The following SDCCAG8 variants were observed in gnomAD, a reference collection of about 807,000 sequenced individuals.
The protein encoded by SDCCAG8 is SHH signaling and ciliogenesis regulator SDCCAG8.
In SDCCAG8, 74 loss-of-function variants were observed where a neutral mutation model predicts 101.8. The observed-to-expected ratio is 0.73, with a 90% CI of 0.60 to 0.88. SDCCAG8 has a LOEUF of 0.88. SDCCAG8 is among the 40% of genes least tolerant of loss of function. The pLI, the probability that SDCCAG8 is intolerant of heterozygous loss-of-function variation, is 0.00. For synonymous variants in SDCCAG8, 281 were observed against 292.9 expected, an observed-to-expected ratio of 0.96 and a Z score of 0.41; for missense variants, 787 against 822.6, an observed-to-expected ratio of 0.96 and a Z score of 0.53.
chr1:243,259,269 T>A (rs956350233), intron 1 of SDCCAG8, among the ~76,000 whole-genome samples: 19 of 149,244 alleles, frequency 1.3e-4, no homozygotes, highest in Non-Finnish European at 2.7e-4. Context: ...TAGCCGGGCG[T>A]GGTGGCGGGC....
At chr1:243,283,779 T>C (rs2130596) in intron 4 of SDCCAG8, among the ~76,000 whole-genome samples, 144,438 of 152,224 alleles carry the variant, frequency 0.95, 68,997 homozygotes, top group East Asian at 1. Flanking sequence ...CTCACTCTGT[T>C]GCCCAGGCTC....
At chr1:243,405,428 T>A (rs1234652375) in intron 13 of SDCCAG8, among the ~76,000 whole-genome samples, 5 of 152,244 alleles carry the variant, frequency 3.3e-5, no homozygotes, top group Admixed American at 1.3e-4. Context: ...TTCTTTAGAA[T>A]AACATCTGAG....
At chr1:243,418,126 C>CT in intron 15 of SDCCAG8, 50 bp downstream of exon 15, 1 of 1,269,156 alleles carries the variant, frequency 7.9e-7, no homozygotes, top group Non-Finnish European at 1.2e-6. Flanking sequence ...TGTGATTACT[C>CT]TAATTTTTCC....
At chr1:243,294,506 C>A (rs12728648) in intron 6 of SDCCAG8, among the ~76,000 whole-genome samples, 1,479 of 105,582 alleles carry the variant, frequency 0.014, 9 homozygotes, top group East Asian at 0.02. Flanking sequence ...AGAGAAAGAG[C>A]GAGAGAGAGA....
rs555350777 is a variant in SDCCAG8 at position 243,324,570 on chromosome 1, C to G, written c.1069-5970C>G. Among the ~76,000 whole-genome samples the G allele has an allele frequency of 1.5e-3, 222 of 151,158 alleles. 1 individual carries two copies. Among genetic ancestry groups the G allele is most frequent in the African/African-American group, 5.2e-3 (212 of 41,142 alleles). On this transcript the variant is annotated intron_variant, in intron 9 of 17. Transcript: ENST00000366541. ...CACTCCTGAGCTCAGCTGATTCTCC[C>G]TCCTTAGCCCCGCAAAGTGCTGGGA...
intron 3 of SDCCAG8, among the ~76,000 whole-genome samples, chr1:243,271,355 ATAAAT>A (rs1028700528): frequency 3.4e-5 from 5 of 148,494 alleles, no homozygotes; most frequent in Non-Finnish European, 7.4e-5. Context: ...ATAATATATA[ATAAAT>A]TAATATAATA....
intron 16 of SDCCAG8, among the ~76,000 whole-genome samples, chr1:243,460,961 A>C (rs1309759780): frequency 6.6e-6 from 1 of 152,214 alleles, no homozygotes; most frequent in African/African-American, 2.4e-5. Context: ...GCTACTTAGA[A>C]CATTGTCAGC....
At chr1:243,480,279 A>G (rs372558392) in intron 16 of SDCCAG8, among the ~76,000 whole-genome samples, 1 of 144,416 alleles carries the variant, frequency 6.9e-6, no homozygotes, top group African/African-American at 2.6e-5. Context: ...AGTGAAGGTC[A>G]TGGAATGGAT....
At chr1:243,311,525 G>T (rs2072725138) in intron 8 of SDCCAG8, among the ~76,000 whole-genome samples, 1 of 152,104 alleles carries the variant, frequency 6.6e-6, no homozygotes, top group Non-Finnish European at 1.5e-5. Context: ...AACTAATTTT[G>T]CAAGGAGAAT....
At position 243,458,596 on chromosome 1, in the gene SDCCAG8, C is replaced by T. The variant is rs1658331589; in HGVS notation, c.1986-30418C>T. On this transcript the variant is annotated intron_variant, in intron 16 of 17. Coordinates refer to ENST00000366541, the MANE Select transcript of SDCCAG8 (RefSeq NM_006642.5). The surrounding 1 kb of genome is among the most constrained non-coding windows in gnomAD (Gnocchi z 4.5). ...TTTTAACAATGAGGAAACTGAGGCACAGTGAGGTTGAGTAACAGGCTGAAG... is the reference window on the plus strand; with the variant it reads ...TTTTAACAATGAGGAAACTGAGGCATAGTGAGGTTGAGTAACAGGCTGAAG... Among the ~76,000 whole-genome samples, 1 of 152,120 alleles carries T rather than the reference C, an allele frequency of 6.6e-6. No individual in the cohort carries two copies. The highest frequency in any genetic ancestry group is 1.5e-5 in the Non-Finnish European group (1 of 68,020).
Position 243,350,670 on chromosome 1 carries a change from G to A in SDCCAG8, c.1473+6339G>A, listed in dbSNP as rs552195296. Among the ~76,000 whole-genome samples the A allele has an allele frequency of 5.9e-5, 9 of 152,302 alleles. No individual in the cohort carries two copies. In the South Asian group the frequency reaches 1.7e-3, roughly 28 times the overall value. ...GGAAAAAGTTAAACACCTGATTTGA[G>A]TCTTCAATATGGACAGAACAAGAAC... is the stretch of plus-strand genomic sequence containing the variant. On this transcript the variant is annotated intron_variant, in intron 12 of 17. Coordinates refer to ENST00000366541, the MANE Select transcript of SDCCAG8 (RefSeq NM_006642.5).
At chr1:243,367,661 T>A (rs1573598493) in intron 12 of SDCCAG8, among the ~76,000 whole-genome samples, 1 of 151,574 alleles carries the variant, frequency 6.6e-6, no homozygotes, top group Non-Finnish European at 1.5e-5. Context: ...TTTTGTTTAC[T>A]AATGTACTAA....
intron 6 of SDCCAG8, among the ~76,000 whole-genome samples, chr1:243,294,482 G>GGGGA (rs1259035129): frequency 2.0e-5 from 2 of 99,954 alleles, no homozygotes; most frequent in African/African-American, 9.1e-5. Flanking sequence ...GTGGGGGGGG[G>GGGGA]GAGAGAGAGA....
chr1:243,272,457 T>G (rs909800871), intron 3 of SDCCAG8, among the ~76,000 whole-genome samples: 4 of 151,666 alleles, frequency 2.6e-5, no homozygotes, highest in African/African-American at 9.8e-5. Flanking sequence ...AAACATCTCA[T>G]CATTTAATGA....
At chr1:243,375,716 G>A (rs2077561815) in intron 12 of SDCCAG8, among the ~76,000 whole-genome samples, 1 of 152,130 alleles carries the variant, frequency 6.6e-6, no homozygotes, top group South Asian at 2.1e-4. Flanking sequence ...TTGGCCTATG[G>A]CTGTTGTTGG....
chr1:243,291,260 G>A (rs2070232955), intron 5 of SDCCAG8, among the ~76,000 whole-genome samples: 1 of 152,108 alleles, frequency 6.6e-6, no homozygotes, highest in Admixed American at 6.5e-5. Flanking sequence ...CAGATCATTG[G>A]GCTGCTTACT....
chr1:243,457,538 T>C (rs776190356), intron 16 of SDCCAG8, among the ~76,000 whole-genome samples: 1 of 152,212 alleles, frequency 6.6e-6, no homozygotes, highest in Non-Finnish European at 1.5e-5. Flanking sequence ...GCATCATGCA[T>C]TGAGGATTAG....
intron 16 of SDCCAG8, among the ~76,000 whole-genome samples, chr1:243,471,382 C>T (rs997253178): frequency 3.3e-5 from 5 of 152,180 alleles, no homozygotes; most frequent in African/African-American, 9.7e-5. Context: ...TAATGTTCTT[C>T]GAACTCTGAG....
chr1:243,488,425 CTG>C (rs1186356401), intron 16 of SDCCAG8: 2 of 160,424 alleles, frequency 1.2e-5, no homozygotes, highest in East Asian at 1.8e-4. Context: ...CCATGGGTGA[CTG>C]TGCTGCTGGC....
Sources: allele counts gnomAD v4.1 joint callset (sites outside exome capture counted in the v4.1 genomes callset), GRCh38; gene constraint gnomAD v4.1.1; non-coding constraint Gnocchi (gnomAD v3.1); transcripts MANE v1.5; gene names NCBI Gene and HGNC (gene_info 2026-07-23, HGNC 2026-07-21).